ESRRG: variants seen among roughly 807,000 people sequenced by gnomAD.
ESRRG encodes the protein estrogen related receptor gamma.
ESRRG carries 13 observed loss-of-function variants against 44.0 expected under a neutral mutation model. That is an observed-to-expected ratio of 0.30 (90% CI 0.19 to 0.47). The LOEUF (loss-of-function observed/expected upper bound fraction) is 0.47. Ranked by LOEUF, ESRRG falls within the 20% of genes least tolerant of loss-of-function variation. ESRRG has a pLI of 1.00. For missense variants in ESRRG, 395 were observed against 580.6 expected (o/e 0.68, Z 3.29); for synonymous variants, 215 against 214.6 (o/e 1.00, Z -0.02).
At chr1:216,665,627 C>G (rs542031059) in intron 2 of ESRRG, among the ~76,000 whole-genome samples, 1 of 152,018 alleles carries the variant, frequency 6.6e-6, no homozygotes, top group Non-Finnish European at 1.5e-5. Context: ...ATTGCACAAC[C>G]ATGAGCATAT....
At chr1:217,123,322 G>A (rs544102252) in intron 1 of ESRRG, among the ~76,000 whole-genome samples, 1 of 152,094 alleles carries the variant, frequency 6.6e-6, no homozygotes, top group East Asian at 1.9e-4. Flanking sequence ...TTACACACTT[G>A]TATTATGTCC....
chr1:216,920,165 G>C (rs1366234814), intron 2 of ESRRG, among the ~76,000 whole-genome samples: 1 of 152,108 alleles, frequency 6.6e-6, no homozygotes, highest in Non-Finnish European at 1.5e-5. Context: ...TGCTGTGCTC[G>C]CACTACAAAA....
intron 2 of ESRRG, among the ~76,000 whole-genome samples, chr1:216,926,374 C>G (rs538242271): frequency 6.1e-5 from 9 of 148,588 alleles, no homozygotes; most frequent in Non-Finnish European, 1.0e-4. Flanking sequence ...TACTTCAGCT[C>G]AACCACTTTC....
At chr1:216,531,948 G>C (rs933654406) in intron 5 of ESRRG, among the ~76,000 whole-genome samples, 7 of 151,944 alleles carry the variant, frequency 4.6e-5, no homozygotes, top group Admixed American at 2.6e-4. Flanking sequence ...AAAAACCCAG[G>C]AAATCCTAGA....
chr1:216,872,309 T>A (rs2096269881), intron 2 of ESRRG, among the ~76,000 whole-genome samples: 1 of 152,220 alleles, frequency 6.6e-6, no homozygotes, highest in Admixed American at 6.5e-5. Context: ...TGATTTTCAC[T>A]GAACCTGAAT....
intron 1 of ESRRG, among the ~76,000 whole-genome samples, chr1:216,997,520 C>A (rs1249520379): frequency 6.6e-6 from 1 of 152,180 alleles, no homozygotes; most frequent in African/African-American, 2.4e-5. Context: ...GAGTCCCCAA[C>A]CTTTGATGTT....
intron 1 of ESRRG, among the ~76,000 whole-genome samples, chr1:217,108,541 C>A (rs1281921154): frequency 6.6e-6 from 1 of 152,044 alleles, no homozygotes. Context: ...GTGATTGGAT[C>A]ATGGAGGCAG....
At chr1:216,554,703 AC>A (rs2057157026) in intron 5 of ESRRG, among the ~76,000 whole-genome samples, 1 of 152,166 alleles carries the variant, frequency 6.6e-6, no homozygotes. Context: ...GTCAGTTAGT[AC>A]AACTTTCCTG....
chr1:216,520,933 T>C (rs1393550726), intron 5 of ESRRG, among the ~76,000 whole-genome samples: 1 of 152,162 alleles, frequency 6.6e-6, no homozygotes, highest in Non-Finnish European at 1.5e-5. Context: ...TACAGCACAG[T>C]AAAGAAAAGG....
At chr1:216,942,313 A>T (rs964490133) in intron 1 of ESRRG, among the ~76,000 whole-genome samples, 1 of 152,178 alleles carries the variant, frequency 6.6e-6, no homozygotes, top group African/African-American at 2.4e-5. Context: ...CCAGTCTTCA[A>T]CTTATGGACA....
At chr1:216,697,493 G>A (rs966116284) in intron 1 of ESRRG, among the ~76,000 whole-genome samples, 1 of 152,164 alleles carries the variant, frequency 6.6e-6, no homozygotes, top group Non-Finnish European at 1.5e-5. Context: ...CTCAGTACCT[G>A]AGATTAAGAG....
chr1:216,768,241 A>C (rs1382449826), intron 2 of ESRRG, among the ~76,000 whole-genome samples: 1 of 152,274 alleles, frequency 6.6e-6, no homozygotes, highest in East Asian at 1.9e-4. Flanking sequence ...CTGCCCTGTT[A>C]TAGCATGTAA....
chr1:217,005,620 GT>G (rs11572437), intron 1 of ESRRG, among the ~76,000 whole-genome samples: 2,332 of 152,078 alleles, frequency 0.015, 53 homozygotes, highest in African/African-American at 0.048. Context: ...TGTTTATTGT[GT>G]TTTAACTCCA....
Position 216,760,115 on chromosome 1 carries a change from T to A in ESRRG, c.-13-82624A>T, listed in dbSNP as rs570357589. ...TGTAAGCACCATGAGGGATAGGGACTGGTCTGTCTTGTTCAACATTGTCTC... is the reference window on the plus strand; with the variant it reads ...TGTAAGCACCATGAGGGATAGGGACAGGTCTGTCTTGTTCAACATTGTCTC... On this transcript the variant is annotated intron_variant, in intron 2 of 7. Transcript: ENST00000359162. Among the ~76,000 whole-genome samples the A allele has an allele frequency of 4.8e-4, 73 of 152,178 alleles. 1 individual carries two copies. The highest frequency in any genetic ancestry group is 5.1e-4 in the Non-Finnish European group (35 of 68,002).
chr1:216,629,223 T>C (rs2063700022), intron 3 of ESRRG, among the ~76,000 whole-genome samples: 1 of 152,066 alleles, frequency 6.6e-6, no homozygotes, highest in Non-Finnish European at 1.5e-5. Flanking sequence ...AATAAGTCAA[T>C]GTATAAAGGA....
intron 2 of ESRRG, among the ~76,000 whole-genome samples, chr1:216,830,218 C>T (rs957060901): frequency 6.6e-6 from 1 of 152,128 alleles, no homozygotes; most frequent in Non-Finnish European, 1.5e-5. Context: ...TTAGAGCCTC[C>T]ACATCGGTGA....
intron 1 of ESRRG, among the ~76,000 whole-genome samples, chr1:217,126,136 G>T (rs577060331): frequency 6.6e-6 from 1 of 152,008 alleles, no homozygotes; most frequent in Admixed American, 6.6e-5. Context: ...CTAGTTGTGC[G>T]GTCATGGGCA....
intron 2 of ESRRG, among the ~76,000 whole-genome samples, chr1:216,916,145 C>T (rs1218885954): frequency 2.6e-5 from 4 of 152,156 alleles, no homozygotes; most frequent in Non-Finnish European, 4.4e-5. Context: ...AAAGAATGAG[C>T]TTCAGAGAAG....
intron 3 of ESRRG, among the ~76,000 whole-genome samples, chr1:216,648,976 TCAGAAA>T (rs2068272746): frequency 6.6e-6 from 1 of 152,106 alleles, no homozygotes; most frequent in Non-Finnish European, 1.5e-5. Flanking sequence ...TCATTAACTT[TCAGAAA>T]TATGTTTTGT....
Sources: allele counts gnomAD v4.1 joint callset (sites outside exome capture counted in the v4.1 genomes callset), GRCh38; gene constraint gnomAD v4.1.1; transcripts MANE v1.5; gene names NCBI Gene and HGNC (gene_info 2026-07-23, HGNC 2026-07-21).